Variants in ZBTB20 observed in about 807,000 individuals in gnomAD.
ZBTB20 encodes zinc finger and BTB domain-containing protein 20.
A neutral mutation model predicts 56.9 loss-of-function variants in ZBTB20; 9 were observed. The ratio of observed to expected loss-of-function variants is 0.16; its 90% CI spans 0.10 to 0.28. The LOEUF is 0.28. Among genes scored for constraint, ZBTB20 ranks in the 10% least tolerant of loss-of-function variants. The pLI is 1.00. For missense variants in ZBTB20, 655 were observed against 1,003.0 expected (o/e 0.65, Z 4.69); for synonymous variants, 417 against 420.7 (o/e 0.99, Z 0.11).
chr3:114,402,738 A>C (rs952849487), intron 7 of ZBTB20, among the ~76,000 whole-genome samples: 16 of 152,302 alleles, frequency 1.1e-4, no homozygotes, highest in African/African-American at 3.8e-4. Context: ...TTTAATAAAA[A>C]CAGCCATGAG....
At chr3:115,118,923 A>G (rs2084101499) in intron 1 of ZBTB20, among the ~76,000 whole-genome samples, 2 of 152,082 alleles carry the variant, frequency 1.3e-5, no homozygotes, top group South Asian at 4.1e-4. Flanking sequence ...TATTATGATT[A>G]TTTTAGAAAG....
At chr3:114,532,400 A>C (rs1240645626) in intron 6 of ZBTB20, among the ~76,000 whole-genome samples, 1 of 152,192 alleles carries the variant, frequency 6.6e-6, no homozygotes, top group African/African-American at 2.4e-5. Context: ...AGCCCACCAC[A>C]GTTCGGCAAA....
chr3:114,418,050 A>G (rs1427195265), intron 7 of ZBTB20, among the ~76,000 whole-genome samples: 1 of 152,098 alleles, frequency 6.6e-6, no homozygotes, highest in Non-Finnish European at 1.5e-5. Flanking sequence ...TCATAAATGC[A>G]TATAATGATT....
intron 7 of ZBTB20, among the ~76,000 whole-genome samples, chr3:114,456,153 T>A (rs1576853274): frequency 6.6e-6 from 1 of 152,060 alleles, no homozygotes; most frequent in East Asian, 1.9e-4. Context: ...GAAATATAAT[T>A]ACATATATAA....
chr3:114,403,356 A>G (rs2086989350), intron 7 of ZBTB20, among the ~76,000 whole-genome samples: 1 of 152,150 alleles, frequency 6.6e-6, no homozygotes, highest in Non-Finnish European at 1.5e-5. Context: ...ATCAGTCTGT[A>G]GTAATGGGCC....
chr3:114,876,625 G>A (rs2076210314), intron 4 of ZBTB20: 1 of 152,072 alleles, frequency 6.6e-6, no homozygotes, highest in Non-Finnish European at 1.5e-5. Context: ...GCTCTCATTT[G>A]TGTTTCTGTG....
intron 7 of ZBTB20, among the ~76,000 whole-genome samples, chr3:114,465,219 T>C (rs2092493124): frequency 6.6e-6 from 1 of 152,176 alleles, no homozygotes; most frequent in African/African-American, 2.4e-5. Context: ...GAGTGTTTGT[T>C]CTCTGTTAGG....
At chr3:114,701,187 T>G (rs766406568) in intron 5 of ZBTB20, among the ~76,000 whole-genome samples, 13 of 152,192 alleles carry the variant, frequency 8.5e-5, no homozygotes, top group Non-Finnish European at 1.5e-5. Context: ...TTGATGTGAA[T>G]AGGCTTTCAG....
At chr3:114,494,102 T>G (rs149818075) in intron 7 of ZBTB20, among the ~76,000 whole-genome samples, 144 of 152,378 alleles carry the variant, frequency 9.5e-4, no homozygotes, top group Non-Finnish European at 1.6e-3. Flanking sequence ...TTTTGAAGGT[T>G]AAATCAGATA....
intron 2 of ZBTB20, among the ~76,000 whole-genome samples, chr3:115,058,487 G>A (rs2081895184): frequency 6.6e-6 from 1 of 152,148 alleles, no homozygotes; most frequent in South Asian, 2.1e-4. Context: ...ACAGCACTTT[G>A]GGAGGCTGAG....
intron 6 of ZBTB20, among the ~76,000 whole-genome samples, chr3:114,516,184 T>A (rs1365374817): frequency 6.6e-6 from 1 of 152,168 alleles, no homozygotes; most frequent in Non-Finnish European, 1.5e-5. Flanking sequence ...TTGCCTTATA[T>A]GTTGGAGGCC....
intron 7 of ZBTB20, among the ~76,000 whole-genome samples, chr3:114,393,232 G>C (rs1404661624): frequency 8.3e-6 from 1 of 120,252 alleles, no homozygotes; most frequent in Non-Finnish European, 1.8e-5. Flanking sequence ...TCACCAGATA[G>C]AACTTACTTC....
chr3:115,040,001 T>C (rs1175358588), intron 2 of ZBTB20, among the ~76,000 whole-genome samples: 1 of 152,120 alleles, frequency 6.6e-6, no homozygotes, highest in Non-Finnish European at 1.5e-5. Context: ...GTATGTGAGA[T>C]GATAGATATG....
intron 1 of ZBTB20, among the ~76,000 whole-genome samples, chr3:115,119,848 T>C (rs1172900411): frequency 6.6e-6 from 1 of 152,180 alleles, no homozygotes; most frequent in Admixed American, 6.5e-5. Context: ...GAATTACTTA[T>C]ATGACACTTA....
intron 6 of ZBTB20, among the ~76,000 whole-genome samples, chr3:114,671,324 C>T (rs1411279271): frequency 6.6e-6 from 1 of 152,008 alleles, no homozygotes; most frequent in Non-Finnish European, 1.5e-5. Flanking sequence ...TTGCGCAGCC[C>T]CCCTTCCAAG....
intron 6 of ZBTB20, among the ~76,000 whole-genome samples, chr3:114,619,913 T>A (rs1024873336): frequency 2.0e-5 from 3 of 152,232 alleles, no homozygotes; most frequent in African/African-American, 7.2e-5. Context: ...CCAGTCTTCA[T>A]GCCTTTCCAT....
intron 3 of ZBTB20, among the ~76,000 whole-genome samples, chr3:114,968,425 G>A (rs1016638330): frequency 4.6e-5 from 7 of 152,098 alleles, no homozygotes; most frequent in African/African-American, 1.4e-4. Flanking sequence ...ATATTTTTGC[G>A]AGTAAAAAGA....
chr3:115,078,625 A>G (rs903221376), intron 1 of ZBTB20, among the ~76,000 whole-genome samples: 17 of 148,016 alleles, frequency 1.1e-4, no homozygotes, highest in African/African-American at 3.8e-4. Flanking sequence ...ATATATATAT[A>G]TATATATATA....
chr3:114,420,173 A>G (rs1396443364), intron 7 of ZBTB20, among the ~76,000 whole-genome samples: 1 of 152,110 alleles, frequency 6.6e-6, no homozygotes, highest in Non-Finnish European at 1.5e-5. Context: ...TTTCATCTCA[A>G]CTAGATTTAC....
Sources: gnomAD v4.1 joint callset for allele counts (sites outside exome capture counted in the v4.1 genomes callset) on GRCh38, gnomAD v4.1.1 for gene constraint, MANE v1.5 for transcripts, NCBI Gene and HGNC (gene_info 2026-07-23, HGNC 2026-07-21) for gene names.